The following CTNNA3 variants were observed in gnomAD, a reference collection of about 807,000 sequenced individuals.
The protein encoded by CTNNA3 is catenin alpha-3.
A neutral mutation model predicts 95.7 loss-of-function variants in CTNNA3; 76 were observed. That is an observed-to-expected ratio of 0.79 (90% CI 0.66 to 0.96). The LOEUF (loss-of-function observed/expected upper bound fraction) is 0.96. Ranked by LOEUF, CTNNA3 falls within the 40% of genes least tolerant of loss-of-function variation. CTNNA3 has a pLI of 0.00. For missense variants in CTNNA3, 1,191 were observed against 1,089.8 expected (o/e 1.09, Z -1.31); for synonymous variants, 431 against 374.4 (o/e 1.15, Z -1.74).
At chr10:67,000,324 T>C (rs1851604074) in intron 7 of CTNNA3, among the ~76,000 whole-genome samples, 1 of 152,190 alleles carries the variant, frequency 6.6e-6, no homozygotes, top group Non-Finnish European at 1.5e-5. Flanking sequence ...AGGCTGCCCT[T>C]ACTCTTGCTG....
intron 9 of CTNNA3, among the ~76,000 whole-genome samples, chr10:66,683,598 C>T (rs1847143322): frequency 4.0e-5 from 6 of 151,860 alleles, no homozygotes; most frequent in Admixed American, 3.3e-4. Flanking sequence ...GGCAAAAATA[C>T]TTACATTAAT....
intron 5 of CTNNA3, among the ~76,000 whole-genome samples, chr10:67,296,380 T>C (rs1404493414): frequency 6.6e-6 from 1 of 152,222 alleles, no homozygotes; most frequent in Non-Finnish European, 1.5e-5. Flanking sequence ...CAGTAAATTC[T>C]GTGGGCTTGA....
intron 17 of CTNNA3, among the ~76,000 whole-genome samples, chr10:65,926,260 A>G (rs2077167552): frequency 1.3e-5 from 2 of 151,822 alleles, no homozygotes; most frequent in Non-Finnish European, 2.9e-5. Flanking sequence ...GTTTGGAGCT[A>G]CTTAAAATAT....
chr10:66,546,599 G>C (rs1317255146), intron 10 of CTNNA3, among the ~76,000 whole-genome samples: 3 of 152,130 alleles, frequency 2.0e-5, no homozygotes, highest in Non-Finnish European at 2.9e-5. Context: ...GGGGAAGCAA[G>C]GCACCTTCTT....
chr10:66,522,827 A>T (rs1247862726), intron 10 of CTNNA3, among the ~76,000 whole-genome samples: 1 of 151,944 alleles, frequency 6.6e-6, no homozygotes, highest in East Asian at 1.9e-4. Flanking sequence ...AATTCTATGC[A>T]TAATTTTTTC....
chr10:65,960,254 C>T (rs74841442), intron 17 of CTNNA3, among the ~76,000 whole-genome samples: 1,988 of 151,974 alleles, frequency 0.013, 22 homozygotes, highest in Non-Finnish European at 0.023. Flanking sequence ...TCAGGGGGTA[C>T]GGCTGGGTGC....
chr10:67,551,316 G>C (rs1841023500), intron 3 of CTNNA3, among the ~76,000 whole-genome samples: 1 of 152,106 alleles, frequency 6.6e-6, no homozygotes, highest in Non-Finnish European at 1.5e-5. Flanking sequence ...CCATCGACCG[G>C]TGGAACGACG....
chr10:66,800,448 A>T (rs1215288893), intron 7 of CTNNA3, among the ~76,000 whole-genome samples: 1 of 151,322 alleles, frequency 6.6e-6, no homozygotes, highest in East Asian at 1.9e-4. Flanking sequence ...TCAAGGCAGC[A>T]GAATTGAAAA....
intron 17 of CTNNA3, among the ~76,000 whole-genome samples, chr10:65,922,710 G>A (rs2155989): frequency 0.15 from 22,979 of 152,002 alleles, 2,161 homozygotes; most frequent in South Asian, 0.23. Context: ...AAAATAACAG[G>A]ATTTGATCCT....
At chr10:66,586,701 A>G (rs1843370809) in intron 10 of CTNNA3, among the ~76,000 whole-genome samples, 1 of 152,052 alleles carries the variant, frequency 6.6e-6, no homozygotes, top group South Asian at 2.1e-4. Context: ...GGAAAAAGAA[A>G]TCACCTTCTC....
chr10:67,453,426 G>T (rs1847060840), intron 5 of CTNNA3, among the ~76,000 whole-genome samples: 1 of 152,126 alleles, frequency 6.6e-6, no homozygotes, highest in South Asian at 2.1e-4. Flanking sequence ...AAAATATAAG[G>T]TACTAACTCT....
chr10:66,528,726 C>G (rs188537553), intron 10 of CTNNA3, among the ~76,000 whole-genome samples: 6 of 152,164 alleles, frequency 3.9e-5, no homozygotes, highest in Non-Finnish European at 7.4e-5. Flanking sequence ...ATGATAGAAC[C>G]AATAGAGACT....
intron 11 of CTNNA3, among the ~76,000 whole-genome samples, chr10:66,496,726 C>T (rs1462078317): frequency 2.6e-5 from 4 of 152,252 alleles, no homozygotes; most frequent in South Asian, 2.1e-4. Flanking sequence ...ATCAATTTAA[C>T]GACCTTTATT....
chr10:67,674,378 C>T (rs577254908), intron 1 of CTNNA3, among the ~76,000 whole-genome samples: 1 of 152,186 alleles, frequency 6.6e-6, no homozygotes, highest in East Asian at 1.9e-4. Flanking sequence ...TGATCTTGGA[C>T]TTATAGCCTC....
intron 12 of CTNNA3, among the ~76,000 whole-genome samples, chr10:66,372,421 C>T (rs1051450237): frequency 1.3e-5 from 2 of 152,124 alleles, no homozygotes; most frequent in African/African-American, 4.8e-5. Context: ...TCTAGAGTTA[C>T]AGAAGATACA....
intron 14 of CTNNA3, chr10:66,084,737 G>A (rs940248745): frequency 2.0e-4 from 30 of 152,032 alleles, no homozygotes; most frequent in African/African-American, 7.2e-4. Flanking sequence ...CCCCAGAGGT[G>A]GGACACAATA....
At chr10:67,226,670 A>G (rs551991003) in intron 5 of CTNNA3, among the ~76,000 whole-genome samples, 1 of 152,332 alleles carries the variant, frequency 6.6e-6, no homozygotes, top group South Asian at 2.1e-4. Context: ...AGACAAACAA[A>G]TGCTAAGAGA....
intron 6 of CTNNA3, among the ~76,000 whole-genome samples, chr10:67,206,471 T>C (rs137949788): frequency 6.6e-5 from 10 of 152,152 alleles, no homozygotes; most frequent in African/African-American, 2.4e-4. Context: ...CATTTAAATA[T>C]GTAAATGTGC....
chr10:67,371,755 G>A (rs958613348), intron 5 of CTNNA3, among the ~76,000 whole-genome samples: 12 of 152,098 alleles, frequency 7.9e-5, no homozygotes, highest in Admixed American at 6.5e-4. Context: ...GTAATGGGAT[G>A]GCTGGGTCAA....
Sources: gnomAD v4.1 joint callset for allele counts (sites outside exome capture counted in the v4.1 genomes callset) on GRCh38, gnomAD v4.1.1 for gene constraint, MANE v1.5 for transcripts, NCBI Gene and HGNC (gene_info 2026-07-23, HGNC 2026-07-21) for gene names.